GALNT7: variants seen among roughly 807,000 people sequenced by gnomAD.
GALNT7 encodes polypeptide N-acetylgalactosaminyltransferase 7, also known as N-acetylgalactosaminyltransferase 7.
Under a neutral mutation model 82.1 loss-of-function variants are expected in GALNT7, and 60 were observed. The observed-to-expected ratio is 0.73, with a 90% CI of 0.59 to 0.91. The LOEUF is 0.91. Among genes scored for constraint, GALNT7 ranks in the 40% least tolerant of loss-of-function variants. The pLI is 0.00. For missense variants in GALNT7, 660 were observed against 804.2 expected (o/e 0.82, Z 2.17); for synonymous variants, 243 against 275.1 (o/e 0.88, Z 1.15).
chr4:173,305,151 G>A (rs1580007916), intron 8 of GALNT7, among the ~76,000 whole-genome samples: 1 of 151,986 alleles, frequency 6.6e-6, no homozygotes, highest in South Asian at 2.1e-4. Context: ...AGGTGGGAAG[G>A]GTATCTTGTG....
chr4:173,280,796 C>A (rs1196135535), intron 2 of GALNT7, among the ~76,000 whole-genome samples: 1 of 152,118 alleles, frequency 6.6e-6, no homozygotes, highest in Non-Finnish European at 1.5e-5. Flanking sequence ...GGGGTTTTAC[C>A]TCAATACAAT....
At chr4:173,266,288 G>T (rs756929159) in intron 2 of GALNT7, among the ~76,000 whole-genome samples, 2 of 152,118 alleles carry the variant, frequency 1.3e-5, no homozygotes, top group Non-Finnish European at 2.9e-5. Context: ...GAAAAGAAAA[G>T]AATTTTAGAA....
chr4:173,198,265 T>C (rs137927738), intron 1 of GALNT7, among the ~76,000 whole-genome samples: 3,437 of 148,878 alleles, frequency 0.023, 105 homozygotes, highest in African/African-American at 0.069. Context: ...AGACGGAGTT[T>C]CACCGTGTTA....
intron 2 of GALNT7, among the ~76,000 whole-genome samples, chr4:173,269,625 T>C (rs1484206375): frequency 6.6e-6 from 1 of 152,218 alleles, no homozygotes; most frequent in Non-Finnish European, 1.5e-5. Flanking sequence ...TGCATCACCT[T>C]TCCTAAATGG....
chr4:173,214,793 A>G (rs1238434260), intron 1 of GALNT7, among the ~76,000 whole-genome samples: 1 of 110,072 alleles, frequency 9.1e-6, no homozygotes, highest in African/African-American at 3.4e-5. Context: ...TTCCAAACTT[A>G]TGACTTGGAT....
intron 1 of GALNT7, among the ~76,000 whole-genome samples, chr4:173,191,768 C>A (rs931452180): frequency 2.6e-5 from 4 of 152,144 alleles, no homozygotes; most frequent in African/African-American, 7.2e-5. Context: ...CCTTAGAAAT[C>A]CGTTGTGAAT....
intron 2 of GALNT7, among the ~76,000 whole-genome samples, chr4:173,283,627 CTCTG>C (rs1423908658): frequency 6.8e-6 from 1 of 146,140 alleles, no homozygotes; most frequent in East Asian, 2.0e-4. Context: ...CAGAGCGAAA[CTCTG>C]TCTGAAAAAA....
chr4:173,286,606 A>C (rs1380407226), intron 2 of GALNT7, among the ~76,000 whole-genome samples: 1 of 152,198 alleles, frequency 6.6e-6, no homozygotes, highest in Non-Finnish European at 1.5e-5. Context: ...TGAAGCATAG[A>C]GACTGAATGC....
intron 2 of GALNT7, among the ~76,000 whole-genome samples, chr4:173,269,467 T>A (rs903103832): frequency 1.3e-5 from 2 of 152,168 alleles, no homozygotes; most frequent in Non-Finnish European, 2.9e-5. Flanking sequence ...TGACATGAGC[T>A]ATGGAACACA....
intron 6 of GALNT7, among the ~76,000 whole-genome samples, chr4:173,298,766 T>A (rs1240728235): frequency 6.6e-6 from 1 of 152,334 alleles, no homozygotes; most frequent in East Asian, 1.9e-4. Context: ...TGGGTTTTTC[T>A]CCCCTTTTGC....
At chr4:173,183,043 A>AACACACACACACCACACAC (rs1331023696) in intron 1 of GALNT7, among the ~76,000 whole-genome samples, 9 of 125,034 alleles carry the variant, frequency 7.2e-5, no homozygotes, top group African/African-American at 2.3e-4. Flanking sequence ...CACACACATA[A>AACACACACACACCACACAC]ACACACACAC....
intron 1 of GALNT7, among the ~76,000 whole-genome samples, chr4:173,241,124 A>T (rs1734415762): frequency 6.6e-6 from 1 of 151,502 alleles, no homozygotes; most frequent in African/African-American, 2.4e-5. Flanking sequence ...TAATCCTAGC[A>T]TTTTGGGAGG....
chr4:173,321,754 A>G lies in GALNT7; in HGVS notation c.*37A>G. ...TAAACCAATAACCTACCTACTGACA[A>G]GTAAATTTATACAGGACTGAAAACC... On this transcript the variant is annotated 3_prime_UTR_variant, in exon 12 of 12. Coordinates refer to ENST00000265000, the MANE Select transcript of GALNT7 (RefSeq NM_017423.3). 1 of 1,485,338 alleles carries G rather than the reference A, an allele frequency of 6.7e-7. No individual in the cohort carries two copies. The highest frequency in any genetic ancestry group is 2.3e-5 in the East Asian group (1 of 44,002). The allele number at this position is 1,485,338 out of a possible 1,614,324, so 92.0% of individuals were successfully genotyped here. A position where few individuals can be genotyped will look rare whatever the true frequency, so the allele number is the denominator to read the frequency against.
chr4:173,293,534 A>G (rs112107043), intron 3 of GALNT7, among the ~76,000 whole-genome samples: 1 of 148,992 alleles, frequency 6.7e-6, no homozygotes, highest in South Asian at 2.1e-4. Context: ...GTAAAACTTT[A>G]AAGATTTTTC....
chr4:173,205,789 T>C (rs1436346301), intron 1 of GALNT7, among the ~76,000 whole-genome samples: 4 of 152,150 alleles, frequency 2.6e-5, no homozygotes, highest in African/African-American at 9.7e-5. Flanking sequence ...GGCCTGGTGC[T>C]GGGTGGCATG....
At chr4:173,220,460 C>G (rs1733607313) in intron 1 of GALNT7, among the ~76,000 whole-genome samples, 1 of 152,078 alleles carries the variant, frequency 6.6e-6, no homozygotes, top group African/African-American at 2.4e-5. Flanking sequence ...CTTAGTCTTG[C>G]ATTGGCTATG....
intron 1 of GALNT7, among the ~76,000 whole-genome samples, chr4:173,191,432 A>G (rs1434023133): frequency 6.6e-6 from 1 of 152,166 alleles, no homozygotes; most frequent in Non-Finnish European, 1.5e-5. Flanking sequence ...GTAAATCCTA[A>G]TGGGAAGGCT....
At position 173,248,304 on chromosome 4, in the gene GALNT7, G is replaced by A; in HGVS notation, c.451G>A (p.Glu151Lys). ...TCCTGGAGTGGTTGGTGGCCCTGGAGAGAAAGCCAAGCCATTGGTTTTGGG... is the reference window on the plus strand; with the variant it reads ...TCCTGGAGTGGTTGGTGGCCCTGGAAAGAAAGCCAAGCCATTGGTTTTGGG... ...EPPGVVGGPG[E>K]KAKPLVLGPE... Residue 151 changes from glutamate to lysine, a missense_variant, in exon 2 of 12, where the codon GAG becomes AAG. Physicochemically the swap from Glu to Lys is moderately conservative, Grantham distance 56. Around this residue, in one of 2 missense-constraint regions of GALNT7, gnomAD observed 527 missense variants for 683.5 expected, o/e 0.77. Coordinates refer to ENST00000265000, the MANE Select transcript of GALNT7 (RefSeq NM_017423.3). The A allele has an allele frequency of 6.2e-7, 1 of 1,613,884 alleles. No individual in the cohort carries two copies. Among genetic ancestry groups the A allele is most frequent in the Non-Finnish European group, 8.5e-7 (1 of 1,179,816 alleles).
intron 3 of GALNT7, among the ~76,000 whole-genome samples, chr4:173,293,084 G>A (rs551044330): frequency 6.6e-6 from 1 of 152,156 alleles, no homozygotes; most frequent in African/African-American, 2.4e-5. Context: ...AAATCTAAAT[G>A]TATAAAATAA....
Sources: allele counts gnomAD v4.1 joint callset (sites outside exome capture counted in the v4.1 genomes callset), GRCh38; gene constraint gnomAD v4.1.1; regional missense constraint gnomAD v4.1.1; transcripts MANE v1.5; gene names NCBI Gene and HGNC (gene_info 2026-07-23, HGNC 2026-07-21).